WDFY3: variants seen among roughly 807,000 people sequenced by gnomAD.
The protein encoded by WDFY3 is WD repeat and FYVE domain-containing protein 3.
A neutral mutation model predicts 409.6 loss-of-function variants in WDFY3; 66 were observed. The ratio of observed to expected loss-of-function variants is 0.16; its 90% CI spans 0.13 to 0.20. The LOEUF is 0.20. Ranked by LOEUF, WDFY3 falls within the 10% of genes least tolerant of loss-of-function variation. WDFY3 has a pLI of 1.00. For missense variants in WDFY3, 3,031 were observed against 4,298.1 expected (o/e 0.71, Z 8.24); for synonymous variants, 1,521 against 1,537.1 (o/e 0.99, Z 0.25).
Position 84,810,133 on chromosome 4 carries a change from G to A in WDFY3, c.2099C>T (p.Pro700Leu), listed in dbSNP as rs772500376. Reference sequence around the variant, plus strand: ...TGTTTTGAAGAAATGAGAGTTGGCTGGCTCATAGCGCATTGCTGCAGTCAA... The same window carrying A: ...TGTTTTGAAGAAATGAGAGTTGGCTAGCTCATAGCGCATTGCTGCAGTCAA... The part of the protein sequence containing the change: ...CTLTAAMRYE[P>L]ANSHFFKTEI... Residue 700 changes from proline (P) to leucine (L), a missense_variant, in exon 14 of 68, where the codon CCA (proline) becomes CTA (leucine). This residue lies in a region of WDFY3 where 1,322 missense variants were observed against 1,697.9 expected (regional missense o/e 0.78). Transcript: ENST00000295888. 5 of 1,614,024 alleles carry A rather than the reference G, an allele frequency of 3.1e-6. No homozygotes were observed. The highest frequency in any genetic ancestry group is 2.2e-5 in the South Asian group (2 of 91,088).
intron 50 of WDFY3, 143 bp downstream of exon 50, chr4:84,715,155 G>C: frequency 1.9e-6 from 1 of 521,264 alleles, no homozygotes; most frequent in South Asian, 3.0e-5. Flanking sequence ...TGTTTCAAGA[G>C]GGTGGCAAAA....
chr4:84,729,935 T>C (rs1736305320), intron 44 of WDFY3, among the ~76,000 whole-genome samples: 1 of 152,106 alleles, frequency 6.6e-6, no homozygotes, highest in South Asian at 2.1e-4. Flanking sequence ...ACCTATTCTA[T>C]CACAAAAAGT....
In WDFY3 at chr4:84,678,903, C is replaced by A. The variant is rs758173415; in HGVS notation, c.10147+16G>T. 4 of 1,600,328 alleles carry A rather than the reference C, an allele frequency of 2.5e-6. No individual in the cohort carries two copies. Among genetic ancestry groups the A allele is most frequent in the Non-Finnish European group, 8.5e-7 (1 of 1,172,524 alleles). The stretch of plus-strand genomic sequence containing the variant: ...ACATATAAGGAGTGAGAAATAGATA[C>A]CAGACTTCAAGTTACCAGGTTTCAA... On this transcript the variant is annotated intron_variant, in intron 65 of 67. Transcript: ENST00000295888.
intron 34 of WDFY3, among the ~76,000 whole-genome samples, chr4:84,754,514 T>C (rs1489890431): frequency 2.0e-5 from 3 of 152,228 alleles, no homozygotes; most frequent in Admixed American, 1.3e-4. Context: ...TAGTTTTGAC[T>C]GAAATTAGAT....
chr4:84,944,400 C>T (rs1057410730), intron 1 of WDFY3, among the ~76,000 whole-genome samples: 14 of 152,054 alleles, frequency 9.2e-5, no homozygotes, highest in South Asian at 4.2e-4. Context: ...GGCATGGTGG[C>T]GCACACCTGT....
At chr4:84,953,579 A>G (rs543913556) in intron 1 of WDFY3, among the ~76,000 whole-genome samples, 2 of 152,290 alleles carry the variant, frequency 1.3e-5, no homozygotes, top group South Asian at 4.1e-4. Context: ...AAAAGAATAC[A>G]TGCTAGGGAA....
intron 3 of WDFY3, among the ~76,000 whole-genome samples, chr4:84,868,939 T>C (rs936829855): frequency 2.0e-5 from 3 of 152,246 alleles, no homozygotes; most frequent in Admixed American, 6.5e-5. Flanking sequence ...TTTATACATA[T>C]GTTAAAATTT....
intron 1 of WDFY3, chr4:84,965,937 A>C (rs1775641925): frequency 6.6e-6 from 1 of 151,980 alleles, no homozygotes; most frequent in Admixed American, 6.5e-5. Flanking sequence ...CGTGACCCCG[A>C]CCCCGACCCG....
intron 3 of WDFY3, among the ~76,000 whole-genome samples, chr4:84,880,126 G>A (rs1486522371): frequency 6.6e-6 from 1 of 152,144 alleles, no homozygotes; most frequent in Non-Finnish European, 1.5e-5. Flanking sequence ...GGAGAGAGAA[G>A]GAGATGTGAC....
At chr4:84,769,425 A>AT (rs552794896) in intron 30 of WDFY3, among the ~76,000 whole-genome samples, 1 of 151,608 alleles carries the variant, frequency 6.6e-6, no homozygotes, top group Non-Finnish European at 1.5e-5. Flanking sequence ...TATTATTATT[A>AT]TTTTTTTGAG....
chr4:84,708,043 T>C (rs1732269606), intron 53 of WDFY3, among the ~76,000 whole-genome samples: 1 of 152,240 alleles, frequency 6.6e-6, no homozygotes, highest in African/African-American at 2.4e-5. Flanking sequence ...TTTTGTTTGT[T>C]TACCTAGGGC....
intron 22 of WDFY3, among the ~76,000 whole-genome samples, chr4:84,788,785 C>T (rs561796932): frequency 5.3e-5 from 8 of 152,218 alleles, no homozygotes; most frequent in South Asian, 4.1e-4. Context: ...TTTGGGAGGC[C>T]GAGGCATGAG....
chr4:84,950,029 A>G (rs2151106599), intron 1 of WDFY3, among the ~76,000 whole-genome samples: 1 of 152,352 alleles, frequency 6.6e-6, no homozygotes, highest in Non-Finnish European at 1.5e-5. Flanking sequence ...CTGGATAAAG[A>G]AAATGTGGCA....
At chr4:84,948,825 A>C (rs1773233036) in intron 1 of WDFY3, among the ~76,000 whole-genome samples, 1 of 152,108 alleles carries the variant, frequency 6.6e-6, no homozygotes, top group Non-Finnish European at 1.5e-5. Context: ...TCCCAATCCC[A>C]AGGACTGATA....
Position 84,946,147 on chromosome 4 carries a change from A to G in WDFY3, c.-225-13784T>C, listed in dbSNP as rs193129375. 1.2e-3 allele frequency among the ~76,000 whole-genome samples: 184 copies of G among 152,280 alleles called. 2 individuals carry two copies. The highest frequency in any genetic ancestry group is 3.4e-3 in the Middle Eastern group (1 of 294). On this transcript the variant is annotated intron_variant, in intron 1 of 67. Transcript: ENST00000295888. ...CCTCAGACCCTTTTGGGAATGAAGG[A>G]CTGAGTTAGCTTCCTAGAAACAGAA...
Position 84,867,136 on chromosome 4 carries a change from C to T in WDFY3, c.-31-6514G>A, listed in dbSNP as rs190719581. Among the ~76,000 whole-genome samples, 4 of 152,290 alleles carry T rather than the reference C, an allele frequency of 2.6e-5. No individual in the cohort carries two copies. The East Asian group carries it at 7.7e-4, about 29-fold the overall frequency. Reference sequence around the variant, plus strand: ...AACATCATTTCTGTAACATGCCAAGCACACTAGTTACATTCAATAAATGTT... The same window carrying T: ...AACATCATTTCTGTAACATGCCAAGTACACTAGTTACATTCAATAAATGTT... On this transcript the variant is annotated intron_variant, in intron 3 of 67. Coordinates refer to ENST00000295888, the MANE Select transcript of WDFY3 (RefSeq NM_014991.6).
At chr4:84,677,856 G>C (rs1726581609) in intron 66 of WDFY3, among the ~76,000 whole-genome samples, 1 of 149,840 alleles carries the variant, frequency 6.7e-6, no homozygotes, top group South Asian at 2.1e-4. Context: ...CCAGTTATTT[G>C]AGGGGCAGAG....
At chr4:84,714,902 A>G (rs189487588) in intron 50 of WDFY3, among the ~76,000 whole-genome samples, 218 of 151,440 alleles carry the variant, frequency 1.4e-3, no homozygotes, top group Middle Eastern at 0.014. Context: ...GTGAGCTGAG[A>G]TCATGCCACT....
intron 2 of WDFY3, among the ~76,000 whole-genome samples, chr4:84,931,171 G>T (rs534081070): frequency 6.6e-6 from 1 of 152,148 alleles, no homozygotes; most frequent in Non-Finnish European, 1.5e-5. Context: ...CTGATAAGGG[G>T]AGACTATCGC....
Sources: gnomAD v4.1 joint callset for allele counts (sites outside exome capture counted in the v4.1 genomes callset) on GRCh38, gnomAD v4.1.1 for gene constraint, gnomAD v4.1.1 regional missense constraint, MANE v1.5 for transcripts, NCBI Gene and HGNC (gene_info 2026-07-23, HGNC 2026-07-21) for gene names.